Variants in CAAP1 observed in about 807,000 individuals in gnomAD.
The protein encoded by CAAP1 is conserved anti-apoptotic protein.
CAAP1 carries 20 observed loss-of-function variants against 34.0 expected under a neutral mutation model. That is an observed-to-expected ratio of 0.59 (90% CI 0.41 to 0.86). The LOEUF is 0.86. Ranked by LOEUF, CAAP1 falls within the 40% of genes least tolerant of loss-of-function variation. The pLI is 0.00. For synonymous variants in CAAP1, 213 were observed against 166.7 expected (o/e 1.28, Z -2.14); for missense variants, 538 against 450.5 (o/e 1.19, Z -1.76).
At chr9:26,889,867 C>CAAAAAAAAAAAAAAAAAA (rs1028187218) in intron 1 of CAAP1, among the ~76,000 whole-genome samples, 1 of 51,326 alleles carries the variant, frequency 1.9e-5, no homozygotes, top group Non-Finnish European at 4.0e-5. Context: ...GACTCTGTCT[C>CAAAAAAAAAAAAAAAAAA]AAAAAAAAAA....
At chr9:26,846,537 T>C (rs780018960) in intron 5 of CAAP1, among the ~76,000 whole-genome samples, 5 of 152,236 alleles carry the variant, frequency 3.3e-5, no homozygotes, top group Non-Finnish European at 5.9e-5. Flanking sequence ...TGTCTACTTA[T>C]ATTTTGTGAA....
rs529984144 is a variant in CAAP1, at chr9:26,889,359, A to C, written c.304-1846T>G. ...CTTGAACCCAGGAGGCGGAGGTTGC[A>C]GTGAGCCGAGATGGCGCCATTGCAC... On this transcript the variant is annotated intron_variant, in intron 1 of 5. Coordinates refer to ENST00000333916, the MANE Select transcript of CAAP1 (RefSeq NM_024828.4). 3.9e-5 allele frequency among the ~76,000 whole-genome samples: 6 copies of C among 152,262 alleles called. No homozygotes were observed. The South Asian group carries it at 8.3e-4, about 21-fold the overall frequency.
chr9:26,882,438 T>C (rs7029328), intron 4 of CAAP1, among the ~76,000 whole-genome samples: 3 of 152,148 alleles, frequency 2.0e-5, no homozygotes, highest in African/African-American at 7.2e-5. Flanking sequence ...GAGCCTGCAG[T>C]TGCATAGAAG....
At chr9:26,857,826 C>T (rs995349703) in intron 5 of CAAP1, among the ~76,000 whole-genome samples, 3 of 151,884 alleles carry the variant, frequency 2.0e-5, no homozygotes, top group Non-Finnish European at 2.9e-5. Flanking sequence ...TCAGTACTGC[C>T]GGTTTCAAAA....
chr9:26,846,415 C>CAAAAAAAAAAAA (rs761402354), intron 5 of CAAP1, among the ~76,000 whole-genome samples: 9 of 61,742 alleles, frequency 1.5e-4, no homozygotes, highest in South Asian at 4.6e-4. Flanking sequence ...GACTCTGTCT[C>CAAAAAAAAAAAA]AAAAAAAAAA....
rs188914942 is a variant in CAAP1 at position 26,847,704 on chromosome 9, T to C, written c.740-5057A>G. Reference sequence around the variant, plus strand: ...TCTTATATTTGTCCTTTTTTTGTAGTTTTCCTGTCTTATAATTTTATTTAT... The same window carrying C: ...TCTTATATTTGTCCTTTTTTTGTAGCTTTCCTGTCTTATAATTTTATTTAT... On this transcript the variant is annotated intron_variant, in intron 5 of 5. Coordinates refer to ENST00000333916, the MANE Select transcript of CAAP1 (RefSeq NM_024828.4). Among the ~76,000 whole-genome samples, 283 of 152,224 alleles carry C rather than the reference T, an allele frequency of 1.9e-3. 1 individual carries two copies. Among genetic ancestry groups the C allele is most frequent in the South Asian group, 7.7e-3 (37 of 4,824 alleles).
chr9:26,863,181 T>C (rs1277336912), intron 4 of CAAP1, among the ~76,000 whole-genome samples: 2 of 152,304 alleles, frequency 1.3e-5, no homozygotes, highest in East Asian at 3.9e-4. Context: ...CAATTTAGTT[T>C]AGTGCCCAAA....
At chr9:26,857,470 A>G (rs1327211204) in intron 5 of CAAP1, among the ~76,000 whole-genome samples, 3 of 152,196 alleles carry the variant, frequency 2.0e-5, no homozygotes, top group African/African-American at 7.2e-5. Context: ...CATCTCTACT[A>G]AAAATACAAA....
intron 5 of CAAP1, among the ~76,000 whole-genome samples, chr9:26,858,713 C>A (rs780908947): frequency 5.3e-5 from 8 of 151,382 alleles, no homozygotes; most frequent in Non-Finnish European, 1.2e-4. Flanking sequence ...GTCCCAGCTA[C>A]TTGGGAGGCT....
intron 5 of CAAP1, among the ~76,000 whole-genome samples, chr9:26,859,383 T>A (rs995254276): frequency 6.6e-6 from 1 of 152,218 alleles, no homozygotes; most frequent in Non-Finnish European, 1.5e-5. Flanking sequence ...CAGAAAAACA[T>A]CTTCTCTTAC....
At chr9:26,864,032 G>C (rs1453893792) in intron 4 of CAAP1, among the ~76,000 whole-genome samples, 1 of 152,046 alleles carries the variant, frequency 6.6e-6, no homozygotes, top group Non-Finnish European at 1.5e-5. Context: ...CCAAAGTGCT[G>C]AGATTACAGG....
rs975805373 is a variant in CAAP1 at position 26,840,824 on chromosome 9, T to C, written c.*1477A>G. The C allele has an allele frequency of 2.6e-5, 4 of 152,254 alleles. No individual in the cohort carries two copies. The highest frequency in any genetic ancestry group is 9.6e-5 in the African/African-American group (4 of 41,474). The allele number at this position is 152,254 out of a possible 1,614,324, so 9.4% of individuals were successfully genotyped here. A position where few individuals can be genotyped will look rare whatever the true frequency, so the allele number is the denominator to read the frequency against. ...GTTTATTCTGTACTACTTTAGCATA[T>C]TAACTATTACTTTTAAGTTGAAATA... On this transcript the variant is annotated 3_prime_UTR_variant, in exon 6 of 6. Coordinates refer to ENST00000333916, the MANE Select transcript of CAAP1 (RefSeq NM_024828.4).
intron 4 of CAAP1, among the ~76,000 whole-genome samples, chr9:26,876,800 C>G (rs1029923102): frequency 6.6e-6 from 1 of 152,106 alleles, no homozygotes; most frequent in Non-Finnish European, 1.5e-5. Flanking sequence ...CATAATGCCA[C>G]AAGTGGGAAA....
chr9:26,870,527 G>A (rs1342315737), intron 4 of CAAP1, among the ~76,000 whole-genome samples: 2 of 146,064 alleles, frequency 1.4e-5, no homozygotes, highest in Non-Finnish European at 3.0e-5. Flanking sequence ...CTAGATCTCA[G>A]GGGTGTGTAT....
At chr9:26,855,311 G>A (rs1055538761) in intron 5 of CAAP1, among the ~76,000 whole-genome samples, 1 of 152,214 alleles carries the variant, frequency 6.6e-6, no homozygotes, top group African/African-American at 2.4e-5. Context: ...ATCAGTGGTT[G>A]TCAGGAGTTG....
intron 5 of CAAP1, among the ~76,000 whole-genome samples, chr9:26,848,905 A>AT (rs913913213): frequency 3.9e-5 from 6 of 152,084 alleles, no homozygotes; most frequent in African/African-American, 1.2e-4. Context: ...AAACATATAA[A>AT]TTTTTTTTGT....
At chr9:26,888,575 T>C (rs1038153182) in intron 1 of CAAP1, among the ~76,000 whole-genome samples, 1 of 152,222 alleles carries the variant, frequency 6.6e-6, no homozygotes, top group East Asian at 1.9e-4. Flanking sequence ...ATAATTAGAC[T>C]GAAAAAGTAA....
chr9:26,850,415 G>T (rs1346896631), intron 5 of CAAP1, among the ~76,000 whole-genome samples: 1 of 152,168 alleles, frequency 6.6e-6, no homozygotes, highest in Non-Finnish European at 1.5e-5. Flanking sequence ...TCTTTAGAAA[G>T]AATGTACAAG....
chr9:26,866,513 G>A lies in CAAP1; in HGVS notation c.666-5374C>T, dbSNP rs965270765. Among the ~76,000 whole-genome samples, 7 of 152,306 alleles carry A rather than the reference G, an allele frequency of 4.6e-5. 1 individual carries two copies. The highest frequency in any genetic ancestry group is 2.4e-5 in the African/African-American group (1 of 41,554). On this transcript the variant is annotated intron_variant, in intron 4 of 5. Transcript: ENST00000333916. Reference sequence around the variant, plus strand: ...TATCCTTTTAAAATCTTTGTATTATGTGTATGTGTTTATAATTCAAATAAG... The same window carrying A: ...TATCCTTTTAAAATCTTTGTATTATATGTATGTGTTTATAATTCAAATAAG...
Sources: gnomAD v4.1 joint callset for allele counts (sites outside exome capture counted in the v4.1 genomes callset) on GRCh38, gnomAD v4.1.1 for gene constraint, MANE v1.5 for transcripts, NCBI Gene and HGNC (gene_info 2026-07-23, HGNC 2026-07-21) for gene names.